The following NIPAL2 variants were observed in gnomAD, a reference collection of about 807,000 sequenced individuals.
The protein encoded by NIPAL2 is NIPA like domain containing 2.
NIPAL2 carries 43 observed loss-of-function variants against 48.9 expected under a neutral mutation model. The observed-to-expected ratio is 0.88, with a 90% CI of 0.69 to 1.13. The LOEUF is 1.13. Ranked by LOEUF, NIPAL2 falls within the 50% of genes most tolerant of loss-of-function variation. The pLI, the probability that NIPAL2 is intolerant of heterozygous loss-of-function variation, is 0.00. For missense variants in NIPAL2, 446 were observed against 461.4 expected (o/e 0.97, Z 0.31); for synonymous variants, 167 against 174.6 (o/e 0.96, Z 0.34).
chr8:98,204,367 A>G (rs1810933945), intron 7 of NIPAL2, among the ~76,000 whole-genome samples: 1 of 152,114 alleles, frequency 6.6e-6, no homozygotes, highest in Admixed American at 6.5e-5. Context: ...CCACTCTTGT[A>G]CTGATTTTGA....
At chr8:98,196,463 C>G (rs187699371) in intron 8 of NIPAL2, among the ~76,000 whole-genome samples, 1 of 152,312 alleles carries the variant, frequency 6.6e-6, no homozygotes, top group Admixed American at 6.5e-5. Context: ...GTGGAGATGC[C>G]CAGTGATCTG....
chr8:98,196,813 T>C (rs1456765398), intron 8 of NIPAL2, among the ~76,000 whole-genome samples: 1 of 152,262 alleles, frequency 6.6e-6, no homozygotes, highest in African/African-American at 2.4e-5. Flanking sequence ...GCTCTAGGTC[T>C]TGGAGAAATG....
intron 2 of NIPAL2, 79 bp downstream of exon 2, chr8:98,253,940 A>G (rs1207117371): frequency 4.8e-6 from 4 of 831,480 alleles, no homozygotes; most frequent in Non-Finnish European, 7.5e-6. Flanking sequence ...CACAAAGACA[A>G]AAGTGCCCAA....
chr8:98,239,354 C>A (rs1056035774), intron 3 of NIPAL2, among the ~76,000 whole-genome samples: 1 of 152,150 alleles, frequency 6.6e-6, no homozygotes, highest in African/African-American at 2.4e-5. Context: ...TACACTATAC[C>A]CCATTGGCTC....
intron 1 of NIPAL2, among the ~76,000 whole-genome samples, chr8:98,259,141 ATC>A (rs1814128174): frequency 8.2e-6 from 1 of 122,278 alleles, no homozygotes. Context: ...CAGTGGCGCG[ATC>A]TCGACTCACT....
intron 3 of NIPAL2, among the ~76,000 whole-genome samples, chr8:98,244,992 A>G (rs1388569855): frequency 6.6e-6 from 1 of 152,166 alleles, no homozygotes; most frequent in East Asian, 1.9e-4. Context: ...GTATATTTAT[A>G]ATATAGGAAA....
At chr8:98,282,354 A>G (rs978282741) in intron 1 of NIPAL2, among the ~76,000 whole-genome samples, 5 of 152,172 alleles carry the variant, frequency 3.3e-5, no homozygotes, top group Admixed American at 3.3e-4. Flanking sequence ...CTAGAGAAGG[A>G]TAAGTCCAGG....
chr8:98,196,131 C>T, intron 8 of NIPAL2, 126 bp from the exon 9 acceptor site: 1 of 536,766 alleles, frequency 1.9e-6, no homozygotes, highest in Non-Finnish European at 3.2e-6. Flanking sequence ...CCTTAAAATG[C>T]ACATTCAGCA....
intron 5 of NIPAL2, chr8:98,217,237 C>T: frequency 4.1e-6 from 4 of 985,452 alleles, no homozygotes; most frequent in Non-Finnish European, 4.8e-6. Context: ...AGCCTTGTCT[C>T]TGTGAGGCTT....
At chr8:98,243,891 AAAT>A (rs1813127499) in intron 3 of NIPAL2, among the ~76,000 whole-genome samples, 1 of 152,178 alleles carries the variant, frequency 6.6e-6, no homozygotes, top group South Asian at 2.1e-4. Flanking sequence ...TCTTCCCCTA[AAAT>A]AATAATTTTT....
chr8:98,277,172 C>T (rs753321819), intron 1 of NIPAL2, among the ~76,000 whole-genome samples: 2 of 152,158 alleles, frequency 1.3e-5, no homozygotes, highest in African/African-American at 2.4e-5. Context: ...AAGTGTACAA[C>T]TCAATAGTTT....
intron 1 of NIPAL2, among the ~76,000 whole-genome samples, chr8:98,290,123 A>C (rs1453155405): frequency 1.3e-5 from 2 of 152,224 alleles, no homozygotes; most frequent in Non-Finnish European, 2.9e-5. Flanking sequence ...AAGTGTCCTT[A>C]CATGAGCAGT....
intron 2 of NIPAL2, among the ~76,000 whole-genome samples, chr8:98,253,408 A>T (rs894307421): frequency 1.3e-5 from 2 of 152,198 alleles, no homozygotes; most frequent in Admixed American, 1.3e-4. Context: ...GATTCTATTT[A>T]AAAGTGATTC....
chr8:98,264,290 CAGG>C (rs1310593972), intron 1 of NIPAL2, among the ~76,000 whole-genome samples: 1 of 119,804 alleles, frequency 8.3e-6, no homozygotes, highest in Non-Finnish European at 1.7e-5. Context: ...GGCAATTAGG[CAGG>C]AGAAGGAAAT....
intron 1 of NIPAL2, among the ~76,000 whole-genome samples, chr8:98,292,105 A>C: frequency 6.6e-6 from 1 of 152,250 alleles, no homozygotes; most frequent in South Asian, 2.1e-4. Flanking sequence ...GGAGGCAAGC[A>C]AATAAGCATC....
intron 4 of NIPAL2, among the ~76,000 whole-genome samples, chr8:98,234,407 T>C (rs1432304675): frequency 6.6e-6 from 1 of 152,194 alleles, no homozygotes; most frequent in African/African-American, 2.4e-5. Context: ...CTTAGATTAA[T>C]TTGATCATTA....
intron 1 of NIPAL2, among the ~76,000 whole-genome samples, chr8:98,260,689 G>A (rs1248202102): frequency 1.3e-5 from 2 of 152,232 alleles, no homozygotes; most frequent in South Asian, 2.1e-4. Flanking sequence ...CAAGGCGGCA[G>A]CGAGGCTGGG....
At chr8:98,221,722 C>T (rs1300222421) in intron 5 of NIPAL2, among the ~76,000 whole-genome samples, 1 of 151,908 alleles carries the variant, frequency 6.6e-6, no homozygotes. Context: ...TAGAGAAATG[C>T]AAATCAAAAC....
intron 5 of NIPAL2, among the ~76,000 whole-genome samples, chr8:98,212,795 C>T (rs148986759): frequency 1.5e-4 from 23 of 152,260 alleles, no homozygotes; most frequent in African/African-American, 5.3e-4. Flanking sequence ...TTAATAGACA[C>T]GCCACAATAA....
Sources: allele counts gnomAD v4.1 joint callset (sites outside exome capture counted in the v4.1 genomes callset), GRCh38; gene constraint gnomAD v4.1.1; transcripts MANE v1.5; gene names NCBI Gene and HGNC (gene_info 2026-07-23, HGNC 2026-07-21).